The following HMG20A variants were observed in gnomAD, a reference collection of about 807,000 sequenced individuals.
HMG20A encodes the protein high mobility group 20A, also known as high mobility group protein 20A.
Under a neutral mutation model 43.9 loss-of-function variants are expected in HMG20A, and 17 were observed. The observed-to-expected ratio is 0.39, with a 90% CI of 0.27 to 0.58. The LOEUF is 0.58. Among genes scored for constraint, HMG20A ranks in the 20% least tolerant of loss-of-function variants. HMG20A has a pLI of 0.59. For missense variants in HMG20A, 341 were observed against 438.2 expected, an observed-to-expected ratio of 0.78 and a Z score of 1.98; for synonymous variants, 132 against 147.5, an observed-to-expected ratio of 0.89 and a Z score of 0.76.
chr15:77,476,105 C>T (rs1374211216), intron 6 of HMG20A, among the ~76,000 whole-genome samples: 3 of 152,144 alleles, frequency 2.0e-5, no homozygotes, highest in Non-Finnish European at 2.9e-5. Context: ...TACAGGAGCT[C>T]GGGTGTCAGA....
At chr15:77,475,350 A>G (rs992261992) in intron 6 of HMG20A, among the ~76,000 whole-genome samples, 3 of 152,230 alleles carry the variant, frequency 2.0e-5, no homozygotes, top group Non-Finnish European at 2.9e-5. Context: ...TTGTGCTCTG[A>G]GAATCTGTAC....
the HMG20A span, among the ~76,000 whole-genome samples, chr15:77,507,618 T>TCATA: frequency 1.3e-5 from 2 of 152,194 alleles, no homozygotes; most frequent in Non-Finnish European, 2.9e-5. Flanking sequence ...GCTGCGTGTC[T>TCATA]CATACTCCAG....
At chr15:77,455,285 G>A (rs571752813) in intron 1 of HMG20A, among the ~76,000 whole-genome samples, 12 of 146,748 alleles carry the variant, frequency 8.2e-5, no homozygotes, top group African/African-American at 2.8e-4. Flanking sequence ...GCAATGTTCT[G>A]ATTATGATCT....
chr15:77,433,719 T>A (rs1396562949), intron 1 of HMG20A, among the ~76,000 whole-genome samples: 1 of 152,224 alleles, frequency 6.6e-6, no homozygotes, highest in Non-Finnish European at 1.5e-5. Context: ...TCTTGTAAGA[T>A]CTTTACACAG....
intron 1 of HMG20A, among the ~76,000 whole-genome samples, chr15:77,438,137 ATTTTTTTTTTTTT>A (rs34192592): frequency 7.1e-5 from 8 of 113,438 alleles, no homozygotes; most frequent in Non-Finnish European, 1.5e-4. Context: ...TTTAGTTTTA[ATTTTTTTTTTTTT>A]TTTTTTTTTT....
chr15:77,468,167 GTGAATATCAT>G lies in HMG20A; in HGVS notation c.450+861_450+870del, dbSNP rs754692716. Among the ~76,000 whole-genome samples, 309 of 152,330 alleles carry G rather than the reference GTGAATATCAT, an allele frequency of 2.0e-3. 2 individuals carry two copies. Among genetic ancestry groups the G allele is most frequent in the Middle Eastern group, 3.4e-3 (1 of 294 alleles). ...TGTGGTAGCAAGCTAGTAGAAAGCA[GTGAATATCAT>G]CCATTGTTTTGGCGCTACTGTATAA... is the stretch of plus-strand genomic sequence containing the variant. On this transcript the variant is annotated intron_variant, in intron 4 of 9. Coordinates refer to ENST00000336216, the MANE Select transcript of HMG20A (RefSeq NM_001304504.2).
At chr15:77,450,661 C>T (rs531027013) in intron 1 of HMG20A, among the ~76,000 whole-genome samples, 9 of 152,230 alleles carry the variant, frequency 5.9e-5, no homozygotes, top group East Asian at 3.9e-4. Flanking sequence ...ATAATGTGTT[C>T]GGGGTAAGCA....
chr15:77,446,346 A>C (rs1322341649), intron 1 of HMG20A, among the ~76,000 whole-genome samples: 1 of 152,080 alleles, frequency 6.6e-6, no homozygotes, highest in African/African-American at 2.4e-5. Flanking sequence ...TGGGATTTTT[A>C]AATCTTATTT....
the HMG20A span, among the ~76,000 whole-genome samples, chr15:77,507,920 G>A: frequency 6.7e-6 from 1 of 150,016 alleles, no homozygotes; most frequent in East Asian, 2.0e-4. Flanking sequence ...CAAGAGAGGG[G>A]CAGGTTGGGG....
In HMG20A at chr15:77,479,307, G is replaced by T. The variant is rs1392475263; in HGVS notation, c.1036G>T (p.Asp346Tyr). The change falls in exon 9 of 10, where the codon GAT becomes TAT. Residue 346 changes from aspartate (D) to tyrosine (Y), a missense_variant. Asp to Tyr is a radical substitution (Grantham distance 160, BLOSUM62 -3). This residue lies in a region of HMG20A where 118 missense variants were observed against 154.5 expected (regional missense o/e 0.76). Transcript: ENST00000336216. ...ATVREVVNRLDR is the reference protein window; with the variant it reads ...ATVREVVNRLYR ...AGTTCGAGAAGTTGTGAACAGACTC[G>T]ATCGTTAGGGAATGGTGAGTGCTCA... is the stretch of plus-strand genomic sequence containing the variant. 11 of 1,613,602 alleles carry T rather than the reference G, an allele frequency of 6.8e-6. No individual in the cohort carries two copies. The highest frequency in any genetic ancestry group is 1.3e-5 in the African/African-American group (1 of 74,876).
intron 2 of HMG20A, among the ~76,000 whole-genome samples, chr15:77,459,132 A>G (rs1003123619): frequency 6.6e-6 from 1 of 152,248 alleles, no homozygotes; most frequent in Non-Finnish European, 1.5e-5. Context: ...AATCCCTAAG[A>G]TGAATTATTT....
chr15:77,426,191 T>A (rs1426170462), intron 1 of HMG20A, among the ~76,000 whole-genome samples: 2 of 152,176 alleles, frequency 1.3e-5, no homozygotes, highest in African/African-American at 4.8e-5. Context: ...CATAACCTTA[T>A]ATACTAAAAT....
chr15:77,452,447 C>T (rs781515643), intron 1 of HMG20A, among the ~76,000 whole-genome samples: 101 of 152,196 alleles, frequency 6.6e-4, no homozygotes, highest in Non-Finnish European at 1.3e-3. Context: ...TCCAAGAACA[C>T]ATGCTGAAAG....
At chr15:77,446,680 A>T (rs2073678087) in intron 1 of HMG20A, among the ~76,000 whole-genome samples, 1 of 151,932 alleles carries the variant, frequency 6.6e-6, no homozygotes, top group African/African-American at 2.4e-5. Context: ...GGTGGTGGGC[A>T]CCTGTAGTCC....
At chr15:77,512,122 A>C in the HMG20A span, among the ~76,000 whole-genome samples, 4 of 152,230 alleles carry the variant, frequency 2.6e-5, no homozygotes, top group Non-Finnish European at 4.4e-5. Context: ...CTTGGATAAA[A>C]CTTGAAGACA....
At chr15:77,443,027 C>CTTTTTTT (rs998172099) in intron 1 of HMG20A, among the ~76,000 whole-genome samples, 5 of 118,662 alleles carry the variant, frequency 4.2e-5, no homozygotes, top group East Asian at 4.8e-4. Flanking sequence ...CTACTTTGAA[C>CTTTTTTT]TTTTTTTTTT....
the HMG20A span, among the ~76,000 whole-genome samples, chr15:77,512,219 G>A: frequency 2.0e-5 from 3 of 152,192 alleles, no homozygotes; most frequent in South Asian, 4.2e-4. Context: ...TCAAATTCAC[G>A]GGCACAGAAA....
At chr15:77,517,018 C>T in the HMG20A span, among the ~76,000 whole-genome samples, 1 of 152,194 alleles carries the variant, frequency 6.6e-6, no homozygotes, top group Non-Finnish European at 1.5e-5. Flanking sequence ...TCGTCCAGAC[C>T]CCTGCTCGAG....
chr15:77,481,976 C>T (rs1273557784), intron 9 of HMG20A: 1 of 152,184 alleles, frequency 6.6e-6, no homozygotes, highest in Non-Finnish European at 1.5e-5. Context: ...TAATGGTCTA[C>T]AAGTTTCAGA....
Sources: gnomAD v4.1 joint callset for allele counts (sites outside exome capture counted in the v4.1 genomes callset) on GRCh38, gnomAD v4.1.1 for gene constraint, gnomAD v4.1.1 regional missense constraint, MANE v1.5 for transcripts, NCBI Gene and HGNC (gene_info 2026-07-23, HGNC 2026-07-21) for gene names.